The following MCAM variants were observed in gnomAD, a reference collection of about 807,000 sequenced individuals.
MCAM encodes cell surface glycoprotein MUC18.
In MCAM, 55 loss-of-function variants were observed where a neutral mutation model predicts 79.1. That is an observed-to-expected ratio of 0.70 (90% CI 0.56 to 0.87). The LOEUF (loss-of-function observed/expected upper bound fraction) is 0.87, where lower values mean the gene tolerates loss of function less well. Ranked by LOEUF, MCAM falls within the 40% of genes least tolerant of loss-of-function variation. The pLI is 0.00. For missense variants in MCAM, 745 were observed against 839.8 expected (o/e 0.89, Z 1.40); for synonymous variants, 330 against 339.8 (o/e 0.97, Z 0.32).
At position 119,316,944 on chromosome 11, in the gene MCAM, C is replaced by T; in HGVS notation, c.67+91G>A. 1 of 1,201,144 alleles carries T rather than the reference C, an allele frequency of 8.3e-7. No individual in the cohort carries two copies. Among genetic ancestry groups the T allele is most frequent in the Non-Finnish European group, 1.1e-6 (1 of 872,796 alleles). The allele number at this position is 1,201,144 out of a possible 1,614,324, so 74.4% of individuals were successfully genotyped here. ...GAGGCTCGTCCTCCCAGACGCAACGCCCCGACCCCGCCGCGCCGCTGGCTC... is the reference window on the plus strand; with the variant it reads ...GAGGCTCGTCCTCCCAGACGCAACGTCCCGACCCCGCCGCGCCGCTGGCTC... On this transcript the variant is annotated intron_variant, in intron 1 of 15. Coordinates refer to ENST00000264036, the MANE Select transcript of MCAM (RefSeq NM_006500.3). This position sits in a 1 kb window ranked among gnomAD's most constrained non-coding sequence, Gnocchi z 4.8.
chr11:119,311,527 C>A lies in MCAM; in HGVS notation c.1407+3G>T. The A allele has an allele frequency of 6.2e-7, 1 of 1,614,160 alleles. No individual in the cohort carries two copies. The highest frequency in any genetic ancestry group is 8.5e-7 in the Non-Finnish European group (1 of 1,180,012). On this transcript the variant is annotated splice_donor_region_variant and intron_variant, in intron 11 of 15. Coordinates refer to ENST00000264036, the MANE Select transcript of MCAM (RefSeq NM_006500.3). This position sits in a 1 kb window ranked among gnomAD's most constrained non-coding sequence, Gnocchi z 4.4. The stretch of plus-strand genomic sequence containing the variant: ...GAGTGTGGCAGATGAGACACCCGCT[C>A]ACCGTGCCGTTGACGTTCCAGGAGA...
Position 119,312,629 on chromosome 11 carries a change from C to T in MCAM, c.759G>A (p.Trp253Ter). The change falls in exon 7 of 16, where the codon TGG becomes TGA. Residue 253 changes from tryptophan to a stop codon, truncating the protein, a stop_gained. Transcript: ENST00000264036. LOFTEE classifies it high-confidence loss of function. This position sits in a 1 kb window ranked among gnomAD's most constrained non-coding sequence, Gnocchi z 4.9. ...GCATTCCCACGGGCTCCACTTCCAG[C>T]CACACTTTTTCTGTCGGGTCTGCAT... ...VPVFYPTEKV[W>*]LEVEPVGMLK... The T allele has an allele frequency of 1.2e-6, 2 of 1,614,196 alleles. No individual in the cohort carries two copies. Among genetic ancestry groups the T allele is most frequent in the Non-Finnish European group, 1.7e-6 (2 of 1,180,032 alleles).
In MCAM at chr11:119,314,566, C is replaced by T. The variant is rs1010137774; in HGVS notation, c.482G>A (p.Cys161Tyr). 1 of 1,613,810 alleles carries T rather than the reference C, an allele frequency of 6.2e-7. No homozygotes were observed. The highest frequency in any genetic ancestry group is 1.3e-5 in the African/African-American group (1 of 74,884). The change falls in exon 5 of 16, where the codon TGT (cysteine) becomes TAT (tyrosine). Residue 161 changes from cysteine (C) to tyrosine (Y), a missense_variant. Physicochemically the swap from Cys to Tyr is radical, Grantham distance 194. Coordinates refer to ENST00000264036, the MANE Select transcript of MCAM (RefSeq NM_006500.3). ...NSKEPEEVAT[C>Y]VGRNGYPIPQ... Reference sequence around the variant, plus strand: ...AATGGGGTACCCGTTCCTCCCTACACAGGTAGCGACCTAAAGAGCACAGGG... The same window carrying T: ...AATGGGGTACCCGTTCCTCCCTACATAGGTAGCGACCTAAAGAGCACAGGG...
chr11:119,310,526 C>T lies in MCAM; in HGVS notation c.1794-60G>A, dbSNP rs551450042. 2.8e-5 allele frequency: 34 copies of T among 1,214,988 alleles called. No individual in the cohort carries two copies. In the African/African-American group the frequency reaches 2.8e-4, roughly 10 times the overall value. The allele number at this position is 1,214,988 out of a possible 1,614,324, so 75.3% of individuals were successfully genotyped here. ...TCAGGGCCACAGGAAGAGAAGGGCC[C>T]GCTGTGAAGGATGTGGAATGGATGA... On this transcript the variant is annotated intron_variant, in intron 14 of 15. Transcript: ENST00000264036.
rs141858125 is a variant in MCAM at position 119,310,863 on chromosome 11, G to A, written c.1686C>T (p.Ile562=). 1.3e-3 allele frequency: 2,043 copies of A among 1,614,190 alleles called. 2 individuals carry two copies. The highest frequency in any genetic ancestry group is 1.9e-3 in the Admixed American group (115 of 60,026). ...LPEPESRGVV[I]VAVIVCILVL... The stretch of plus-strand genomic sequence containing the variant: ...CCAGGATGCACACAATCACAGCCAC[G>A]ATGACCACGCCCCGGCTCTCCGGCT... Residue 562 remains isoleucine, a synonymous_variant, in exon 14 of 16, where the codon ATC becomes ATT. Transcript: ENST00000264036.
chr11:119,314,610 C>G (rs745633738), intron 4 of MCAM, 34 bp from the exon 5 acceptor site: 5 of 1,611,418 alleles, frequency 3.1e-6, no homozygotes, highest in Non-Finnish European at 4.2e-6. Flanking sequence ...TCCCTGCCTC[C>G]GAGCCCCCTT....
At position 119,311,579 on chromosome 11, in the gene MCAM, T is replaced by C. The variant is rs1250171482; in HGVS notation, c.1358A>G (p.Glu453Gly). ...KENMVLNLSC[E>G]ASGHPRPTIS... ...GGTGGGCCGGGGGTGCCCTGACGCT[T>C]CACAAGACAGATTCAACACCATATT... The change falls in exon 11 of 16, where the codon GAA becomes GGA. Residue 453 changes from glutamate to glycine, a missense_variant. Glu to Gly is a moderately conservative substitution (Grantham distance 98, BLOSUM62 -2). Coordinates refer to ENST00000264036, the MANE Select transcript of MCAM (RefSeq NM_006500.3). The surrounding 1 kb of genome is among the most constrained non-coding windows in gnomAD (Gnocchi z 4.4). 1 of 1,613,956 alleles carries C rather than the reference T, an allele frequency of 6.2e-7. No homozygotes were observed. Among genetic ancestry groups the C allele is most frequent in the African/African-American group, 1.3e-5 (1 of 74,878 alleles).
intron 15 of MCAM, 27 bp downstream of exon 15, chr11:119,310,322 G>C (rs1377177922): frequency 1.0e-5 from 15 of 1,452,516 alleles, no homozygotes; most frequent in Non-Finnish European, 1.4e-5. Context: ...GATGTGGCAG[G>C]CTCTGGCCAC....
At chr11:119,313,396 ATTTTT>A in intron 5 of MCAM, 4 of 874,466 alleles carry the variant, frequency 4.6e-6, no homozygotes, top group Non-Finnish European at 6.0e-6. Flanking sequence ...ACTACTGATA[ATTTTT>A]TTTTTTTTTT....
At chr11:119,314,463 G>A in intron 5 of MCAM, 26 bp downstream of exon 5, 7 of 1,597,764 alleles carry the variant, frequency 4.4e-6, no homozygotes, top group African/African-American at 1.3e-5. Context: ...GCCCAAGGGT[G>A]GCTTTTGGGA....
chr11:119,311,045 A>AGGAT lies in MCAM; in HGVS notation c.1645+41_1645+44dup, dbSNP rs1377525554. The AGGAT allele has an allele frequency of 6.2e-7, 1 of 1,614,028 alleles. No individual in the cohort carries two copies. Among genetic ancestry groups the AGGAT allele is most frequent in the Non-Finnish European group, 8.5e-7 (1 of 1,180,018 alleles). The stretch of plus-strand genomic sequence containing the variant: ...CTCTCTGGGGAGGGACAGGGCAGAA[A>AGGAT]GGATGCCCTGGCACAGCCCTGTTCT... On this transcript the variant is annotated intron_variant, in intron 13 of 15. Coordinates refer to ENST00000264036, the MANE Select transcript of MCAM (RefSeq NM_006500.3). The surrounding 1 kb of genome is among the most constrained non-coding windows in gnomAD (Gnocchi z 4.4).
At chr11:119,310,676 C>G in intron 14 of MCAM, 80 bp downstream of exon 14, 1 of 1,501,134 alleles carries the variant, frequency 6.7e-7, no homozygotes, top group Non-Finnish European at 9.1e-7. Context: ...CTCCTGCTGT[C>G]AAGGGGCAGG....
chr11:119,315,188 C>T lies in MCAM; in HGVS notation c.143G>A (p.Cys48Tyr). 6.2e-7 allele frequency: 1 copy of T among 1,613,362 alleles called. No homozygotes were observed. Among genetic ancestry groups the T allele is most frequent in the Non-Finnish European group, 8.5e-7 (1 of 1,179,996 alleles). Reference protein sequence around the residue: ...VEVGSTALLKCGLSQSQGNLS... With the variant: ...VEVGSTALLKYGLSQSQGNLS... ...GTTGCCTTGGGACTGGGAGAGGCCG[C>T]ACTTCAGAAGGGCTGTGCTGCCCAC... The change falls in exon 2 of 16, where the codon TGC becomes TAC. Residue 48 changes from cysteine (C) to tyrosine (Y), a missense_variant. Transcript: ENST00000264036. The surrounding 1 kb of genome is among the most constrained non-coding windows in gnomAD (Gnocchi z 4.4).
rs756076154 is a variant in MCAM at position 119,315,115 on chromosome 11, T to G, written c.192+24A>C. The G allele has an allele frequency of 6.2e-7, 1 of 1,613,108 alleles. No homozygotes were observed. The highest frequency in any genetic ancestry group is 2.2e-5 in the East Asian group (1 of 44,864). On this transcript the variant is annotated intron_variant, in intron 2 of 15. Coordinates refer to ENST00000264036, the MANE Select transcript of MCAM (RefSeq NM_006500.3). The surrounding 1 kb of genome is among the most constrained non-coding windows in gnomAD (Gnocchi z 4.4). The stretch of plus-strand genomic sequence containing the variant: ...GGCAGAGTCTCCCTCCCCGGGCTGC[T>G]CTTGCAGGAGCCCAAGCACTCACAG...
chr11:119,312,517 G>A lies in MCAM; in HGVS notation c.861+10C>T. 6.2e-7 allele frequency: 1 copy of A among 1,614,018 alleles called. No homozygotes were observed. Among genetic ancestry groups the A allele is most frequent in the Non-Finnish European group, 8.5e-7 (1 of 1,180,016 alleles). ...CATCCCCACCTGCACCCAGCACAAA[G>A]CCCCCACACCTGCTTGCTGATGCTG... On this transcript the variant is annotated intron_variant, in intron 7 of 15. Transcript: ENST00000264036. This position sits in a 1 kb window ranked among gnomAD's most constrained non-coding sequence, Gnocchi z 4.9.
At chr11:119,310,034 G>T (rs892253565) in intron 15 of MCAM, 119 bp from the exon 16 acceptor site, 2 of 876,796 alleles carry the variant, frequency 2.3e-6, no homozygotes. Flanking sequence ...CAGCGTTGGG[G>T]AGGAAGCTAG....
Position 119,312,853 on chromosome 11 carries a change from G to A in MCAM, c.656C>T (p.Ala219Val), listed in dbSNP as rs773480140. Residue 219 changes from alanine to valine, a missense_variant, in exon 6 of 16, where the codon GCC (alanine) becomes GTC (valine). Ala to Val is a moderately conservative substitution (Grantham distance 64, BLOSUM62 0). Transcript: ENST00000264036. This position sits in a 1 kb window ranked among gnomAD's most constrained non-coding sequence, Gnocchi z 4.9. Reference protein sequence around the residue: ...KAQLVKEDKDAQFYCELNYRL... With the variant: ...KAQLVKEDKDVQFYCELNYRL... ...GTAGTTGAGCTCACAGTAAAACTGG[G>A]CATCTTTGTCTTCTTTAACCAGCTG... The A allele has an allele frequency of 3.7e-6, 6 of 1,614,192 alleles. No homozygotes were observed. The highest frequency in any genetic ancestry group is 1.7e-5 in the Admixed American group (1 of 60,014).
At position 119,315,238 on chromosome 11, in the gene MCAM, AG is replaced by A. The variant is rs1565283266; in HGVS notation, c.92del (p.Pro31LeufsTer16). The A allele has an allele frequency of 6.2e-7, 1 of 1,611,606 alleles. No homozygotes were observed. The highest frequency in any genetic ancestry group is 8.5e-7 in the Non-Finnish European group (1 of 1,179,878). ...CTTCCACCTCCACCAGCTCAGGCGC[AG>A]GCTGCTCAGCCTCTCCGGGCACACC... ...VAGVPGEAEQPAPELVEVEVG... is the reference protein window; with the variant it reads ...VAGVPGEAEQXAPELVEVEVG... On this transcript the variant is annotated frameshift_variant, in exon 2 of 16. Transcript: ENST00000264036. LOFTEE classifies it high-confidence loss of function. This position sits in a 1 kb window ranked among gnomAD's most constrained non-coding sequence, Gnocchi z 4.4.
rs1950317245 is a variant in MCAM, at chr11:119,316,970, TGCTCCCTGGCAC to T, written c.67+53_67+64del. The stretch of plus-strand genomic sequence containing the variant: ...CCCGACCCCGCCGCGCCGCTGGCTC[TGCTCCCTGGCAC>T]GCTCCACCGCAGACCCCTAGCCGGG... On this transcript the variant is annotated intron_variant, in intron 1 of 15. Transcript: ENST00000264036. This position sits in a 1 kb window ranked among gnomAD's most constrained non-coding sequence, Gnocchi z 4.8. 1 of 1,404,606 alleles carries T rather than the reference TGCTCCCTGGCAC, an allele frequency of 7.1e-7. No homozygotes were observed. The highest frequency in any genetic ancestry group is 2.1e-5 in the Admixed American group (1 of 48,570). 87.0% of individuals were successfully genotyped at this position (1,404,606 alleles called of 1,614,324 possible). A position where few individuals can be genotyped will look rare whatever the true frequency, so the allele number is the denominator to read the frequency against.
Sources: gnomAD v4.1 joint callset for allele counts on GRCh38, gnomAD v4.1.1 for gene constraint, Gnocchi (gnomAD v3.1) non-coding constraint, MANE v1.5 for transcripts, NCBI Gene and HGNC (gene_info 2026-07-23, HGNC 2026-07-21) for gene names.